TM9SF3: variants seen among roughly 807,000 people sequenced by gnomAD.
TM9SF3 encodes SM-11044-binding protein.
TM9SF3 carries 14 observed loss-of-function variants against 78.6 expected under a neutral mutation model. The observed-to-expected ratio is 0.18, with a 90% CI of 0.12 to 0.28. The LOEUF (loss-of-function observed/expected upper bound fraction) is 0.28, where lower values mean the gene tolerates loss of function less well. Ranked by LOEUF, TM9SF3 falls within the 10% of genes least tolerant of loss-of-function variation. The pLI, the probability that TM9SF3 is intolerant of heterozygous loss-of-function variation, is 1.00. For missense variants in TM9SF3, 496 were observed against 721.9 expected (o/e 0.69, Z 3.59); for synonymous variants, 231 against 241.7 (o/e 0.96, Z 0.41).
At chr10:96,577,485 A>G (rs1848510569) in intron 1 of TM9SF3, 1 of 152,238 alleles carries the variant, frequency 6.6e-6, no homozygotes, top group Admixed American at 6.5e-5. Context: ...ATACATGGCT[A>G]AATCTGAAGT....
At chr10:96,541,879 C>G (rs998607872) in intron 9 of TM9SF3, among the ~76,000 whole-genome samples, 5 of 152,214 alleles carry the variant, frequency 3.3e-5, no homozygotes, top group Non-Finnish European at 5.9e-5. Context: ...ACACATGGCA[C>G]CTATGGTCTG....
At chr10:96,556,186 C>T (rs889282921) in intron 5 of TM9SF3, among the ~76,000 whole-genome samples, 1 of 152,126 alleles carries the variant, frequency 6.6e-6, no homozygotes, top group African/African-American at 2.4e-5. Context: ...CCTACTAATG[C>T]TGCATGCCAG....
chr10:96,537,375 T>C (rs1847971457), intron 9 of TM9SF3, among the ~76,000 whole-genome samples: 1 of 152,230 alleles, frequency 6.6e-6, no homozygotes, highest in African/African-American at 2.4e-5. Flanking sequence ...GATTAGGCTA[T>C]AACATATAGC....
rs1455836015 is a variant in TM9SF3, at chr10:96,518,676, A to G, written c.*3587T>C. The G allele has an allele frequency of 6.6e-6, 1 of 152,168 alleles. No individual in the cohort carries two copies. The highest frequency in any genetic ancestry group is 2.4e-5 in the African/African-American group (1 of 41,468). The allele number at this position is 152,168 out of a possible 1,614,324, so 9.4% of individuals were successfully genotyped here. A position where few individuals can be genotyped will look rare whatever the true frequency, so the allele number is the denominator to read the frequency against. On this transcript the variant is annotated 3_prime_UTR_variant, in exon 15 of 15. Transcript: ENST00000371142. The stretch of plus-strand genomic sequence containing the variant: ...CAGATGGCTTTTAGGAAATGCTCAT[A>G]GGAGAGAACTAGAGTTATTCCTCAC...
intron 5 of TM9SF3, among the ~76,000 whole-genome samples, chr10:96,553,447 G>A (rs921252866): frequency 2.6e-5 from 4 of 152,144 alleles, no homozygotes; most frequent in African/African-American, 9.7e-5. Context: ...GGAAAATGGA[G>A]GAGCTAATAC....
At chr10:96,534,667 CAAAG>C (rs1564929330) in intron 9 of TM9SF3, among the ~76,000 whole-genome samples, 1 of 152,094 alleles carries the variant, frequency 6.6e-6, no homozygotes, top group Non-Finnish European at 1.5e-5. Flanking sequence ...CAAACTGTTC[CAAAG>C]AACTCTCAGG....
intron 2 of TM9SF3, 134 bp downstream of exon 2, chr10:96,576,500 G>C: frequency 1.2e-6 from 1 of 843,902 alleles, no homozygotes; most frequent in East Asian, 3.1e-5. Context: ...CAGGGACTCT[G>C]CTAGACATCC....
At chr10:96,584,744 G>A (rs1049189603) in intron 1 of TM9SF3, among the ~76,000 whole-genome samples, 4 of 152,232 alleles carry the variant, frequency 2.6e-5, no homozygotes, top group Non-Finnish European at 5.9e-5. Context: ...CCGCAAGGCT[G>A]AGGTTGCAGT....
intron 2 of TM9SF3, 121 bp downstream of exon 2, chr10:96,576,513 A>T (rs937987663): frequency 2.2e-6 from 2 of 918,514 alleles, no homozygotes; most frequent in Non-Finnish European, 3.1e-6. Flanking sequence ...AGACATCCTA[A>T]CATGTACATA....
intron 3 of TM9SF3, among the ~76,000 whole-genome samples, chr10:96,562,784 A>G (rs1848324711): frequency 6.6e-6 from 1 of 152,202 alleles, no homozygotes; most frequent in African/African-American, 2.4e-5. Flanking sequence ...AAAAAGATCC[A>G]CAATGTTAGG....
At chr10:96,528,810 A>G (rs61246834) in intron 11 of TM9SF3, among the ~76,000 whole-genome samples, 1,660 of 152,270 alleles carry the variant, frequency 0.011, 30 homozygotes, top group African/African-American at 0.037. Flanking sequence ...CTAAGAAATG[A>G]AGTTGGAGAA....
At chr10:96,550,805 C>A (rs942222531) in intron 7 of TM9SF3, among the ~76,000 whole-genome samples, 1 of 151,968 alleles carries the variant, frequency 6.6e-6, no homozygotes, top group African/African-American at 2.4e-5. Context: ...TTTCATCACT[C>A]TTTTTACTAT....
chr10:96,532,761 C>T (rs1039193412), intron 10 of TM9SF3, among the ~76,000 whole-genome samples: 1 of 142,968 alleles, frequency 7.0e-6, no homozygotes, highest in Admixed American at 7.4e-5. Flanking sequence ...CCAGATTTGG[C>T]CTGCAGATTA....
At chr10:96,543,779 T>C (rs954219446) in intron 9 of TM9SF3, 1 of 172,686 alleles carries the variant, frequency 5.8e-6, no homozygotes, top group East Asian at 1.5e-4. Context: ...CTAAAATATA[T>C]TCACCAGTTC....
chr10:96,570,159 T>A (rs1439821319), intron 2 of TM9SF3, among the ~76,000 whole-genome samples: 3 of 152,188 alleles, frequency 2.0e-5, no homozygotes, highest in African/African-American at 4.8e-5. Flanking sequence ...GAACAAAAAC[T>A]ATATATAACT....
Position 96,553,036 on chromosome 10 carries a change from G to T in TM9SF3, c.684C>A (p.Asn228Lys). The change falls in exon 6 of 15, where the codon AAC (asparagine) becomes AAA (lysine). Residue 228 changes from asparagine to lysine, a missense_variant. Coordinates refer to ENST00000371142, the MANE Select transcript of TM9SF3 (RefSeq NM_020123.4). ...CCAAGAAGATCACCATCATGAAGGA[G>T]TTGAAAATTGAAAACCAATGAATCT... ...QHRIHWFSIFNSFMMVIFLVG... is the reference protein window; with the variant it reads ...QHRIHWFSIFKSFMMVIFLVG... 6.3e-7 allele frequency: 1 copy of T among 1,591,390 alleles called. No individual in the cohort carries two copies. The highest frequency in any genetic ancestry group is 8.5e-7 in the Non-Finnish European group (1 of 1,173,060).
At chr10:96,530,680 G>T in intron 10 of TM9SF3, 72 bp from the exon 11 acceptor site, 1 of 1,348,986 alleles carries the variant, frequency 7.4e-7, no homozygotes, top group Non-Finnish European at 1.0e-6. Flanking sequence ...ATAACAGAAA[G>T]CAGGTACTTG....
intron 1 of TM9SF3, among the ~76,000 whole-genome samples, chr10:96,579,789 A>T (rs1439034744): frequency 6.6e-6 from 1 of 152,236 alleles, no homozygotes; most frequent in South Asian, 2.1e-4. Flanking sequence ...TAAAATGTTT[A>T]CTTTTCATTG....
At chr10:96,542,998 T>C (rs952369966) in intron 9 of TM9SF3, among the ~76,000 whole-genome samples, 2 of 152,228 alleles carry the variant, frequency 1.3e-5, no homozygotes, top group Admixed American at 6.5e-5. Context: ...TGGGCTCTAA[T>C]GGCAGTTCTA....
Sources: allele counts gnomAD v4.1 joint callset (sites outside exome capture counted in the v4.1 genomes callset), GRCh38; gene constraint gnomAD v4.1.1; transcripts MANE v1.5; gene names NCBI Gene and HGNC (gene_info 2026-07-23, HGNC 2026-07-21).